The following CSTL1 variants were observed in gnomAD, a reference collection of about 807,000 sequenced individuals.
CSTL1 encodes cystatin like 1, also known as cystatin-like 1.
CSTL1 carries 14 observed loss-of-function variants against 14.4 expected under a neutral mutation model. The ratio of observed to expected loss-of-function variants is 0.97; its 90% CI spans 0.64 to 1.52. The LOEUF is 1.52. Ranked by LOEUF, CSTL1 falls within the 40% of genes most tolerant of loss-of-function variation. The pLI is 0.00. For missense variants in CSTL1, 170 were observed against 168.7 expected, an observed-to-expected ratio of 1.01 and a Z score of -0.04; for synonymous variants, 72 against 67.5, an observed-to-expected ratio of 1.07 and a Z score of -0.33.
the CSTL1 span, among the ~76,000 whole-genome samples, chr20:23,459,988 C>T: frequency 6.6e-6 from 1 of 152,192 alleles, no homozygotes; most frequent in Non-Finnish European, 1.5e-5. Flanking sequence ...AAATAAGGAA[C>T]AAACTCACAA....
chr20:23,450,462 G>T, the CSTL1 span: 2 of 1,279,092 alleles, frequency 1.6e-6, no homozygotes, highest in Non-Finnish European at 1.1e-6. Context: ...CCCATTGCAG[G>T]ATTCTCTCAC....
In CSTL1 at chr20:23,443,877, A is replaced by T. The variant is rs1043310462; in HGVS notation, c.220-57A>T. On this transcript the variant is annotated intron_variant, in intron 2 of 3. Transcript: ENST00000347397. ...CTCTCAGTCCTAGCTTCTCCAGGAG[A>T]GGGTCAGCCACTGGATGCTTGGAGT... is the stretch of plus-strand genomic sequence containing the variant. 1.7e-5 allele frequency: 22 copies of T among 1,282,470 alleles called. No homozygotes were observed. The South Asian group carries it at 2.7e-4, about 16-fold the overall frequency. The allele number at this position is 1,282,470 out of a possible 1,614,324, so 79.4% of individuals were successfully genotyped here. A position where few individuals can be genotyped will look rare whatever the true frequency, so the allele number is the denominator to read the frequency against.
chr20:23,443,085 C>G (rs1046179800), intron 2 of CSTL1, among the ~76,000 whole-genome samples: 2 of 152,092 alleles, frequency 1.3e-5, no homozygotes, highest in Non-Finnish European at 2.9e-5. Flanking sequence ...ACCCACCATG[C>G]CTCCTTCCTT....
chr20:23,453,355 G>C, the CSTL1 span, among the ~76,000 whole-genome samples: 1 of 152,130 alleles, frequency 6.6e-6, no homozygotes, highest in South Asian at 2.1e-4. Context: ...GTGAAGGGAG[G>C]GAGAGTCAAC....
downstream of CSTL1, among the ~76,000 whole-genome samples, chr20:23,446,109 G>A (rs1986961240): frequency 1.3e-5 from 2 of 152,186 alleles, no homozygotes; most frequent in Admixed American, 6.5e-5. Context: ...GGGGTTCAAT[G>A]TCAACCTCAC....
At chr20:23,456,992 C>T in the CSTL1 span, among the ~76,000 whole-genome samples, 1 of 152,188 alleles carries the variant, frequency 6.6e-6, no homozygotes, top group Admixed American at 6.5e-5. Flanking sequence ...TCTGCAAAGT[C>T]ACTTTTGCCC....
At chr20:23,445,095 T>G (rs1322658048), downstream of CSTL1, among the ~76,000 whole-genome samples, 2 of 152,002 alleles carry the variant, frequency 1.3e-5, no homozygotes, top group African/African-American at 4.8e-5. Flanking sequence ...CACATTCACT[T>G]TAACAGCCTC....
intron 2 of CSTL1, 27 bp from the exon 3 acceptor site, chr20:23,443,907 A>G (rs760870509): frequency 1.3e-6 from 2 of 1,574,246 alleles, no homozygotes; most frequent in South Asian, 1.1e-5. Context: ...TGGAGTCCAC[A>G]CTAACAGCAC....
downstream of CSTL1, among the ~76,000 whole-genome samples, chr20:23,448,823 AT>A (rs1422031570): frequency 6.6e-6 from 1 of 152,178 alleles, no homozygotes; most frequent in Non-Finnish European, 1.5e-5. Context: ...AATGGTTAAT[AT>A]TTATTTGAAT....
intron 3 of CSTL1, among the ~76,000 whole-genome samples, chr20:23,444,286 C>A (rs1231313741): frequency 1.3e-5 from 2 of 152,244 alleles, no homozygotes; most frequent in African/African-American, 4.8e-5. Context: ...GCTCCCCAGA[C>A]CCTCTGCGTG....
the CSTL1 span, chr20:23,452,681 G>T: frequency 6.2e-7 from 1 of 1,613,856 alleles, no homozygotes; most frequent in East Asian, 2.2e-5. Context: ...GCTGTCCTTC[G>T]CATAGTTTTC....
Position 23,440,145 on chromosome 20 carries a change from C to A in CSTL1, c.-123C>A. ...GTCTGAATCTCTGTTTAAATGCAGG[C>A]AGGCCATCCCCCAGGAAAGCCTATG... On this transcript the variant is annotated splice_region_variant and 5_prime_UTR_variant, in exon 2 of 4. Transcript: ENST00000347397. The A allele has an allele frequency of 1.1e-6, 1 of 903,792 alleles. No homozygotes were observed. The highest frequency in any genetic ancestry group is 1.7e-6 in the Non-Finnish European group (1 of 578,398). 56.0% of individuals were successfully genotyped at this position (903,792 alleles called of 1,614,324 possible).
the CSTL1 span, chr20:23,459,373 G>A: frequency 1.3e-5 from 2 of 152,092 alleles, no homozygotes; most frequent in African/African-American, 4.8e-5. Context: ...TGCAAAATGG[G>A]TATAAAATAG....
At chr20:23,452,556 G>C in the CSTL1 span, 1 of 1,437,296 alleles carries the variant, frequency 7.0e-7, no homozygotes, top group African/African-American at 1.4e-5. Context: ...TATCAGGCCT[G>C]GGGAGAGGCG....
At chr20:23,440,792 T>C in intron 2 of CSTL1, 1 of 396,128 alleles carries the variant, frequency 2.5e-6, no homozygotes, top group Non-Finnish European at 4.8e-6. Context: ...GTTTCGCTCT[T>C]GTTGCCCACG....
the CSTL1 span, among the ~76,000 whole-genome samples, chr20:23,455,204 T>C: frequency 1.3e-4 from 20 of 151,950 alleles, no homozygotes; most frequent in Non-Finnish European, 2.8e-4. Flanking sequence ...CCAACTCTTG[T>C]ATAGTAAAGT....
downstream of CSTL1, among the ~76,000 whole-genome samples, chr20:23,447,981 T>C (rs1279079532): frequency 6.6e-6 from 1 of 152,218 alleles, no homozygotes; most frequent in East Asian, 1.9e-4. Context: ...AATTGTACTA[T>C]TTCTATCTTT....
At chr20:23,454,072 C>T in the CSTL1 span, among the ~76,000 whole-genome samples, 2 of 151,936 alleles carry the variant, frequency 1.3e-5, no homozygotes. Flanking sequence ...TACCGCCACA[C>T]ATGCACACAT....
the CSTL1 span, chr20:23,452,915 G>A: frequency 1.2e-6 from 1 of 827,662 alleles, no homozygotes. Flanking sequence ...AGCAGCTGGT[G>A]GTGGACACCC....
Sources: allele counts gnomAD v4.1 joint callset (sites outside exome capture counted in the v4.1 genomes callset), GRCh38; gene constraint gnomAD v4.1.1; transcripts MANE v1.5; gene names NCBI Gene and HGNC (gene_info 2026-07-23, HGNC 2026-07-21).